Variants in TMPO observed in about 807,000 individuals in gnomAD.
The protein encoded by TMPO is LEM domain containing 4.
TMPO carries 22 observed loss-of-function variants against 45.4 expected under a neutral mutation model. That is an observed-to-expected ratio of 0.48 (90% CI 0.35 to 0.69). The LOEUF (loss-of-function observed/expected upper bound fraction) is 0.69. Among genes scored for constraint, TMPO ranks in the 30% least tolerant of loss-of-function variants. The pLI is 0.01. For missense variants in TMPO, 512 were observed against 548.8 expected, an observed-to-expected ratio of 0.93 and a Z score of 0.67; for synonymous variants, 241 against 204.1, an observed-to-expected ratio of 1.18 and a Z score of -1.54.
At chr12:98,528,164 G>A (rs887992565) in intron 2 of TMPO, 152 bp downstream of exon 2, 3 of 824,938 alleles carry the variant, frequency 3.6e-6, no homozygotes, top group African/African-American at 1.7e-5. Flanking sequence ...GACTGTAAAT[G>A]AGTGAAATAA....
chr12:98,543,478 C>G (rs1301006241), intron 4 of TMPO, among the ~76,000 whole-genome samples: 1 of 152,116 alleles, frequency 6.6e-6, no homozygotes, highest in Non-Finnish European at 1.5e-5. Flanking sequence ...GGTTTTAAAC[C>G]AGTATGTAAG....
At chr12:98,535,699 A>G in intron 3 of TMPO, 1 of 979,740 alleles carries the variant, frequency 1.0e-6, no homozygotes, top group Non-Finnish European at 1.2e-6. Flanking sequence ...CAAGTTAAAT[A>G]TTTGTATATG....
rs760171602 is a variant in TMPO, at chr12:98,533,919, A to G, written c.565+2081A>G. On this transcript the variant is annotated intron_variant, in intron 3 of 8. Coordinates refer to ENST00000556029, the MANE Select transcript of TMPO (RefSeq NM_001032283.3). ...AAGCCACTCCACTAGGAGGTATTCAAGCAGCCTCCACTGAGTCTTGCAATC... is the reference window on the plus strand; with the variant it reads ...AAGCCACTCCACTAGGAGGTATTCAGGCAGCCTCCACTGAGTCTTGCAATC... The G allele has an allele frequency of 6.2e-6, 10 of 1,614,016 alleles. No homozygotes were observed. Among genetic ancestry groups the G allele is most frequent in the African/African-American group, 4.0e-5 (3 of 74,934 alleles).
At chr12:98,535,050 T>C in intron 3 of TMPO, 1 of 829,536 alleles carries the variant, frequency 1.2e-6, no homozygotes, top group Non-Finnish European at 1.5e-6. Context: ...CTGATGCAAG[T>C]AATTTATCTC....
chr12:98,520,951 A>G (rs1876309849), intron 1 of TMPO, among the ~76,000 whole-genome samples: 1 of 152,082 alleles, frequency 6.6e-6, no homozygotes, highest in Non-Finnish European at 1.5e-5. Flanking sequence ...ATATTTATTT[A>G]TATTATAGGA....
chr12:98,521,922 T>G lies in TMPO; in HGVS notation c.279+5776T>G, dbSNP rs541189485. Among the ~76,000 whole-genome samples the G allele has an allele frequency of 1.5e-3, 225 of 152,126 alleles. 3 individuals carry two copies. Among genetic ancestry groups the G allele is most frequent in the Admixed American group, 0.015 (225 of 15,274 alleles). On this transcript the variant is annotated intron_variant, in intron 1 of 8. Transcript: ENST00000556029. Reference sequence around the variant, plus strand: ...TTTTTTTATTTTTAGTAGAGACAGTTTCACCATGTTGGTCAGGCCGGTCTC... The same window carrying G: ...TTTTTTTATTTTTAGTAGAGACAGTGTCACCATGTTGGTCAGGCCGGTCTC...
At chr12:98,535,092 C>T (rs1877488852) in intron 3 of TMPO, 1 of 958,924 alleles carries the variant, frequency 1.0e-6, no homozygotes, top group African/African-American at 1.8e-5. Context: ...ATTCATGGAC[C>T]AGTACCATGG....
At chr12:98,518,956 A>G (rs759479853) in intron 1 of TMPO, among the ~76,000 whole-genome samples, 28 of 151,282 alleles carry the variant, frequency 1.9e-4, no homozygotes, top group Non-Finnish European at 2.2e-4. Flanking sequence ...ATCTTGGCTC[A>G]CTGCAAGCTC....
At position 98,531,690 on chromosome 12, in the gene TMPO, G is replaced by A; in HGVS notation, c.417G>A (p.Arg139=). 6.2e-7 allele frequency: 1 copy of A among 1,612,464 alleles called. No homozygotes were observed. The highest frequency in any genetic ancestry group is 8.5e-7 in the Non-Finnish European group (1 of 1,179,954). Residue 139 remains arginine (R), a synonymous_variant, in exon 3 of 9, where the codon AGG becomes AGA. Coordinates refer to ENST00000556029, the MANE Select transcript of TMPO (RefSeq NM_001032283.3). ...TCTGCCTTAATCCAGGAACAACCAGGAAGCTATATGAGAAAAAGCTTTTGA... is the reference window on the plus strand; with the variant it reads ...TCTGCCTTAATCCAGGAACAACCAGAAAGCTATATGAGAAAAAGCTTTTGA... ...VNPGPIVGTT[R]KLYEKKLLKL... is the part of the protein sequence containing the mutation.
chr12:98,516,489 T>C lies in TMPO; in HGVS notation c.279+343T>C, dbSNP rs1266964207. On this transcript the variant is annotated intron_variant, in intron 1 of 8. Coordinates refer to ENST00000556029, the MANE Select transcript of TMPO (RefSeq NM_001032283.3). ...GGGACTTCCGTGCCCTTTCGAAAGC[T>C]CTGGAGGGGTGGCCCCAAAATGCTA... 5.5e-6 allele frequency: 6 copies of C among 1,099,478 alleles called. No individual in the cohort carries two copies. The African/African-American group carries it at 6.6e-5, about 12-fold the overall frequency. 68.1% of individuals were successfully genotyped at this position (1,099,478 alleles called of 1,614,324 possible). A position where few individuals can be genotyped will look rare whatever the true frequency, so the allele number is the denominator to read the frequency against.
At chr12:98,532,113 C>T (rs749212656) in intron 3 of TMPO, 16 of 371,034 alleles carry the variant, frequency 4.3e-5, no homozygotes, top group Admixed American at 8.7e-5. Flanking sequence ...TAAAGTATTA[C>T]AAGTAAAGGC....
Position 98,545,166 on chromosome 12 carries a change from GCTTT to G in TMPO, c.990+110_990+113del, listed in dbSNP as rs546823071. ...TTTTTTTGGAGTGGGAGGGAGCAGA[GCTTT>G]CTTTATTGGGTGGTGTGTGTAAATA... On this transcript the variant is annotated intron_variant, in intron 7 of 8. Transcript: ENST00000556029. The G allele has an allele frequency of 8.6e-5, 68 of 789,712 alleles. No individual in the cohort carries two copies. The Middle Eastern group carries it at 1.0e-3, about 12-fold the overall frequency. The allele number at this position is 789,712 out of a possible 1,614,324, so 48.9% of individuals were successfully genotyped here. A position where few individuals can be genotyped will look rare whatever the true frequency, so the allele number is the denominator to read the frequency against.
chr12:98,532,622 A>G (rs1877273032), intron 3 of TMPO, among the ~76,000 whole-genome samples: 2 of 152,208 alleles, frequency 1.3e-5, no homozygotes, highest in South Asian at 4.1e-4. Context: ...TTTAATTAAT[A>G]TGACTTGTGA....
rs551508419 is a variant in TMPO at position 98,546,966 on chromosome 12, T to C, written c.1079+519T>C. Among the ~76,000 whole-genome samples, 7 of 152,350 alleles carry C rather than the reference T, an allele frequency of 4.6e-5. No homozygotes were observed. In the East Asian group the frequency reaches 1.3e-3, roughly 29 times the overall value. ...GAAAGAAACACAGCCAAAACTGTTT[T>C]GTTTTTCCTCTTTACTCCTAAACAT... On this transcript the variant is annotated intron_variant, in intron 8 of 8. Transcript: ENST00000556029.
chr12:98,516,179 G>T (rs1173225819), intron 1 of TMPO, 33 bp downstream of exon 1: 2 of 1,328,302 alleles, frequency 1.5e-6, no homozygotes, highest in East Asian at 6.2e-5. Context: ...ACAAAGGCGG[G>T]CGTTTGGCGG....
chr12:98,522,042 G>GT lies in TMPO; in HGVS notation c.280-5837dup, dbSNP rs896266129. 1.4e-4 allele frequency among the ~76,000 whole-genome samples: 21 copies of GT among 152,036 alleles called. 1 individual carries two copies. The highest frequency in any genetic ancestry group is 6.5e-4 in the Admixed American group (10 of 15,270). On this transcript the variant is annotated intron_variant, in intron 1 of 8. Transcript: ENST00000556029. ...ACCACGCCTGTCTGTGTGTTTGTTT[G>GT]TTTTTTTAAGAGATAGGGTCTCGCT...
intron 1 of TMPO, among the ~76,000 whole-genome samples, chr12:98,518,358 C>G (rs1876052193): frequency 6.6e-6 from 1 of 151,738 alleles, no homozygotes; most frequent in Non-Finnish European, 1.5e-5. Flanking sequence ...GGGATGTGAT[C>G]ATAGCTTACT....
chr12:98,533,589 C>T lies in TMPO; in HGVS notation c.565+1751C>T. ...CAGTGGAGGAAAGGGATTCAGGTTC[C>T]TTTGTGGCATTTCAGAACATACCTG... On this transcript the variant is annotated intron_variant, in intron 3 of 8. Transcript: ENST00000556029. 5 of 1,614,172 alleles carry T rather than the reference C, an allele frequency of 3.1e-6. No individual in the cohort carries two copies. The highest frequency in any genetic ancestry group is 4.2e-6 in the Non-Finnish European group (5 of 1,180,022).
chr12:98,547,422 A>T (rs1878291896), intron 8 of TMPO, 151 bp from the exon 9 acceptor site: 2 of 893,794 alleles, frequency 2.2e-6, no homozygotes, highest in Non-Finnish European at 3.4e-6. Context: ...AAATAGGTTG[A>T]CTGACCTCAC....
Sources: allele counts gnomAD v4.1 joint callset (sites outside exome capture counted in the v4.1 genomes callset), GRCh38; gene constraint gnomAD v4.1.1; transcripts MANE v1.5; gene names NCBI Gene and HGNC (gene_info 2026-07-23, HGNC 2026-07-21).